Variants in AGPAT3 observed in about 807,000 individuals in gnomAD.
AGPAT3 encodes 1-acyl-sn-glycerol-3-phosphate acyltransferase gamma.
AGPAT3 carries 5 observed loss-of-function variants against 47.3 expected under a neutral mutation model. The ratio of observed to expected loss-of-function variants is 0.11; its 90% CI spans 0.06 to 0.22. AGPAT3 has a LOEUF of 0.22. AGPAT3 is among the 10% of genes least tolerant of loss of function. The pLI, the probability that AGPAT3 is intolerant of heterozygous loss-of-function variation, is 1.00. For missense variants in AGPAT3, 315 were observed against 493.0 expected (o/e 0.64, Z 3.42); for synonymous variants, 212 against 208.3 (o/e 1.02, Z -0.15).
chr21:43,970,682 C>T lies in AGPAT3; in HGVS notation c.540C>T (p.Phe180=), dbSNP rs1350334869. Residue 180 remains phenylalanine, a synonymous_variant, in exon 6 of 10, where the codon TTC becomes TTT. Transcript: ENST00000291572. The surrounding 1 kb of genome is among the most constrained non-coding windows in gnomAD (Gnocchi z 5.8). ...WFLLYCEGTR[F]TETKHRVSME... is the part of the protein sequence containing the mutation. ...TCCTGTACTGCGAGGGGACGCGCTT[C>T]ACGGAGACCAAGCACCGCGTTAGCA... 1.2e-6 allele frequency: 2 copies of T among 1,613,928 alleles called. No homozygotes were observed. The highest frequency in any genetic ancestry group is 3.3e-5 in the Admixed American group (2 of 60,018).
chr21:43,946,374 T>C (rs535735100), intron 2 of AGPAT3, among the ~76,000 whole-genome samples: 79 of 151,846 alleles, frequency 5.2e-4, no homozygotes, highest in Non-Finnish European at 8.2e-4. Flanking sequence ...CCGAGGTGGG[T>C]GGGTCACCTG....
At chr21:43,953,591 A>G (rs2088306555) in intron 2 of AGPAT3, among the ~76,000 whole-genome samples, 1 of 152,254 alleles carries the variant, frequency 6.6e-6, no homozygotes, top group Non-Finnish European at 1.5e-5. Flanking sequence ...ATATTCCACA[A>G]TGATAAAATC....
At position 43,902,198 on chromosome 21, in the gene AGPAT3, G is replaced by A. The variant is rs115312547; in HGVS notation, c.-111-1759G>A. ...ATGAACAAAGCCAAAAATGAGAGCC[G>A]GTTTCTGATCAGAAACTATACAATT... On this transcript the variant is annotated intron_variant, in intron 1 of 9. Coordinates refer to ENST00000291572, the MANE Select transcript of AGPAT3 (RefSeq NM_020132.5). Among the ~76,000 whole-genome samples the A allele has an allele frequency of 3.1e-3, 465 of 152,210 alleles. 6 individuals are homozygous for A. Among genetic ancestry groups the A allele is most frequent in the African/African-American group, 9.9e-3 (412 of 41,536 alleles).
rs2030137936 is a variant in AGPAT3, at chr21:43,985,139, G to T, written c.*2747G>T. The T allele has an allele frequency of 2.2e-6, 1 of 456,182 alleles. No homozygotes were observed. Among genetic ancestry groups the T allele is most frequent in the Non-Finnish European group, 4.4e-6 (1 of 226,974 alleles). 28.3% of individuals were successfully genotyped at this position (456,182 alleles called of 1,614,324 possible). A position where few individuals can be genotyped will look rare whatever the true frequency, so the allele number is the denominator to read the frequency against. ...CCGTGGTCTCCTGGGGACGCCGCTG[G>T]CCTCCCAGCTTAGGCCCAGGTGCCA... is the stretch of plus-strand genomic sequence containing the variant. On this transcript the variant is annotated 3_prime_UTR_variant, in exon 10 of 10. Coordinates refer to ENST00000291572, the MANE Select transcript of AGPAT3 (RefSeq NM_020132.5).
chr21:43,928,458 C>T (rs891795206), intron 2 of AGPAT3, among the ~76,000 whole-genome samples: 2 of 152,158 alleles, frequency 1.3e-5, no homozygotes, highest in Non-Finnish European at 2.9e-5. Flanking sequence ...TGCAGATCAG[C>T]GTGGGCAGCA....
intron 3 of AGPAT3, chr21:43,967,631 G>T: frequency 7.0e-6 from 2 of 286,908 alleles, no homozygotes; most frequent in Non-Finnish European, 1.3e-5. Context: ...CACCTCTCAC[G>T]GGGCGTGGCT....
chr21:43,899,318 T>G (rs1335120089), intron 1 of AGPAT3, among the ~76,000 whole-genome samples: 1 of 152,184 alleles, frequency 6.6e-6, no homozygotes, highest in Admixed American at 6.5e-5. Flanking sequence ...AAGACATCCT[T>G]GTCAGGCCAT....
At chr21:43,882,141 G>A (rs568541756) in intron 1 of AGPAT3, among the ~76,000 whole-genome samples, 22 of 152,334 alleles carry the variant, frequency 1.4e-4, no homozygotes, top group African/African-American at 5.3e-4. Flanking sequence ...GGGGCCCTGT[G>A]CCCAGGGCTG....
At chr21:43,919,457 G>A (rs2086839686) in intron 2 of AGPAT3, among the ~76,000 whole-genome samples, 1 of 152,154 alleles carries the variant, frequency 6.6e-6, no homozygotes, top group Non-Finnish European at 1.5e-5. Context: ...CATCCAAGTT[G>A]CTGTGAGACA....
At chr21:43,895,823 A>G (rs2086203224) in intron 1 of AGPAT3, among the ~76,000 whole-genome samples, 1 of 151,612 alleles carries the variant, frequency 6.6e-6, no homozygotes. Flanking sequence ...CCGGAGTGCA[A>G]TGGCACAGTC....
intron 2 of AGPAT3, chr21:43,919,740 T>C (rs1455871419): frequency 6.6e-6 from 1 of 152,260 alleles, no homozygotes; most frequent in Non-Finnish European, 1.5e-5. Context: ...TGTACTAGTT[T>C]ACATTCCCAC....
At chr21:43,978,279 G>GTTGTT (rs111639209) in intron 8 of AGPAT3, among the ~76,000 whole-genome samples, 158 bp downstream of exon 8, 11,700 of 151,742 alleles carry the variant, frequency 0.077, 1,297 homozygotes, top group African/African-American at 0.24. Context: ...TCTTCTTTCT[G>GTTGTT]TTGTTTTGTT....
chr21:43,865,799 G>A (rs895274273), intron 1 of AGPAT3, among the ~76,000 whole-genome samples: 1 of 151,762 alleles, frequency 6.6e-6, no homozygotes, highest in African/African-American at 2.4e-5. Flanking sequence ...GACAGGACGC[G>A]CCCGCCGCCT....
chr21:43,878,387 A>G (rs907559254), intron 1 of AGPAT3, among the ~76,000 whole-genome samples: 1 of 152,124 alleles, frequency 6.6e-6, no homozygotes, highest in African/African-American at 2.4e-5. Context: ...GCTTCAGTTC[A>G]CATTGCACTG....
intron 1 of AGPAT3, among the ~76,000 whole-genome samples, chr21:43,898,375 C>T (rs956846026): frequency 6.6e-6 from 1 of 152,146 alleles, no homozygotes; most frequent in African/African-American, 2.4e-5. Context: ...ATGTTACAGA[C>T]TCTGTTCTTT....
intron 1 of AGPAT3, among the ~76,000 whole-genome samples, chr21:43,894,608 G>A (rs4819339): frequency 0.3 from 45,395 of 151,922 alleles, 7,773 homozygotes; most frequent in Non-Finnish European, 0.39. Context: ...TGAAATATAC[G>A]ATAGATTATT....
chr21:43,942,405 G>A (rs1479310035), intron 2 of AGPAT3, among the ~76,000 whole-genome samples: 3 of 152,194 alleles, frequency 2.0e-5, no homozygotes, highest in Admixed American at 6.5e-5. Context: ...CGTCCTTCAC[G>A]AGGCGCTCCT....
intron 1 of AGPAT3, among the ~76,000 whole-genome samples, chr21:43,870,806 G>A (rs757661658): frequency 9.2e-5 from 14 of 152,164 alleles, no homozygotes; most frequent in Non-Finnish European, 1.3e-4. Flanking sequence ...CAGGAAAATC[G>A]TAAACACAGA....
Position 43,874,865 on chromosome 21 carries a change from C to T in AGPAT3, c.-112+9520C>T, listed in dbSNP as rs988920008. Among the ~76,000 whole-genome samples the T allele has an allele frequency of 4.6e-5, 7 of 152,306 alleles. No individual in the cohort carries two copies. In the East Asian group the frequency reaches 1.3e-3, roughly 29 times the overall value. ...TTCAATACAGTCATTCTGCGGTATCCACTAGGGATTGGTTCCAGAACCCAC... is the reference window on the plus strand; with the variant it reads ...TTCAATACAGTCATTCTGCGGTATCTACTAGGGATTGGTTCCAGAACCCAC... On this transcript the variant is annotated intron_variant, in intron 1 of 9. Coordinates refer to ENST00000291572, the MANE Select transcript of AGPAT3 (RefSeq NM_020132.5).
Sources: allele counts gnomAD v4.1 joint callset (sites outside exome capture counted in the v4.1 genomes callset), GRCh38; gene constraint gnomAD v4.1.1; non-coding constraint Gnocchi (gnomAD v3.1); transcripts MANE v1.5; gene names NCBI Gene and HGNC (gene_info 2026-07-23, HGNC 2026-07-21).